The following RBL2 variants were observed in gnomAD, a reference collection of about 807,000 sequenced individuals.
RBL2 encodes the protein retinoblastoma-like protein 2.
Under a neutral mutation model 126.0 loss-of-function variants are expected in RBL2, and 56 were observed. The ratio of observed to expected loss-of-function variants is 0.44; its 90% CI spans 0.36 to 0.56. RBL2 has a LOEUF of 0.56. Ranked by LOEUF, RBL2 falls within the 20% of genes least tolerant of loss-of-function variation. The pLI, the probability that RBL2 is intolerant of heterozygous loss-of-function variation, is 0.00. For synonymous variants in RBL2, 454 were observed against 478.5 expected, an observed-to-expected ratio of 0.95 and a Z score of 0.67; for missense variants, 1,229 against 1,398.2, an observed-to-expected ratio of 0.88 and a Z score of 1.93.
At chr16:53,448,010 T>C (rs1441799221) in intron 4 of RBL2, among the ~76,000 whole-genome samples, 1 of 152,208 alleles carries the variant, frequency 6.6e-6, no homozygotes, top group Non-Finnish European at 1.5e-5. Flanking sequence ...TATATTATTA[T>C]ATAGCTTTCT....
At chr16:53,437,675 T>C (rs1445392992) in intron 1 of RBL2, among the ~76,000 whole-genome samples, 1 of 152,220 alleles carries the variant, frequency 6.6e-6, no homozygotes, top group Non-Finnish European at 1.5e-5. Flanking sequence ...TGGCTGAATA[T>C]CCATTCAAGC....
Position 53,465,471 on chromosome 16 carries a change from C to T in RBL2, c.1732C>T (p.Leu578Phe). 1 of 1,565,552 alleles carries T rather than the reference C, an allele frequency of 6.4e-7. No individual in the cohort carries two copies. Among genetic ancestry groups the T allele is most frequent in the South Asian group, 1.2e-5 (1 of 81,560 alleles). The change falls in exon 13 of 22, where the codon CTT becomes TTT. Residue 578 changes from leucine (L) to phenylalanine (F), a missense_variant. Leu to Phe is a conservative substitution (Grantham distance 22). Coordinates refer to ENST00000262133, the MANE Select transcript of RBL2 (RefSeq NM_005611.4). ...IEVFIRAEDGLCREVVKHLNQ... is the reference protein window; with the variant it reads ...IEVFIRAEDGFCREVVKHLNQ... ...AGTATTCATTAGAGCAGAAGATGGCCTTTGTAGAGAGGTGGTAAAACACCT... is the reference window on the plus strand; with the variant it reads ...AGTATTCATTAGAGCAGAAGATGGCTTTTGTAGAGAGGTGGTAAAACACCT...
Position 53,470,675 on chromosome 16 carries a change from C to T in RBL2, c.2526+12C>T. 1 of 1,613,348 alleles carries T rather than the reference C, an allele frequency of 6.2e-7. No individual in the cohort carries two copies. The highest frequency in any genetic ancestry group is 1.1e-5 in the South Asian group (1 of 91,060). Reference sequence around the variant, plus strand: ...TTTTCTTTAGAAAGGTAATTTTTCACATACCTTATCAGAGCATGAGCTTGG... The same window carrying T: ...TTTTCTTTAGAAAGGTAATTTTTCATATACCTTATCAGAGCATGAGCTTGG... On this transcript the variant is annotated intron_variant, in intron 16 of 21. Coordinates refer to ENST00000262133, the MANE Select transcript of RBL2 (RefSeq NM_005611.4).
At chr16:53,452,534 G>T (rs747038837) in intron 5 of RBL2, among the ~76,000 whole-genome samples, 1 of 152,118 alleles carries the variant, frequency 6.6e-6, no homozygotes, top group Non-Finnish European at 1.5e-5. Flanking sequence ...GTGGAGTTCA[G>T]TTGCTCCTGG....
chr16:53,488,918 G>A (rs1961281528), intron 21 of RBL2: 1 of 152,154 alleles, frequency 6.6e-6, no homozygotes, highest in Non-Finnish European at 1.5e-5. Context: ...GCTTTCTTCA[G>A]ATGCTTAAGA....
intron 17 of RBL2, among the ~76,000 whole-genome samples, chr16:53,477,817 T>G (rs1960790987): frequency 6.6e-6 from 1 of 152,082 alleles, no homozygotes; most frequent in African/African-American, 2.4e-5. Context: ...TACAATTGAT[T>G]TTTTAATCAG....
intron 8 of RBL2, among the ~76,000 whole-genome samples, chr16:53,457,305 G>A (rs2150799872): frequency 8.5e-6 from 1 of 117,440 alleles, no homozygotes; most frequent in African/African-American, 3.7e-5. Flanking sequence ...TGTCACCCAG[G>A]CTGGAGTGCA....
intron 17 of RBL2, among the ~76,000 whole-genome samples, chr16:53,473,427 G>A (rs374094070): frequency 2.5e-4 from 37 of 149,352 alleles, no homozygotes; most frequent in African/African-American, 8.9e-4. Flanking sequence ...TCCTATTCTT[G>A]TTGATGCTAT....
intron 21 of RBL2, among the ~76,000 whole-genome samples, chr16:53,487,086 T>C (rs8044091): frequency 0.54 from 82,865 of 152,048 alleles, 25,046 homozygotes; most frequent in African/African-American, 0.81. Flanking sequence ...TGAATGAAAA[T>C]AATACCTTAG....
In RBL2 at chr16:53,434,656, G is replaced by T. The variant is rs375627186; in HGVS notation, c.100G>T (p.Ala34Ser). The change falls in exon 1 of 22, where the codon GCC becomes TCC. Residue 34 changes from alanine (A) to serine (S), a missense_variant. By Grantham distance (99) the Ala-to-Ser change is moderately conservative. This residue lies in a region of RBL2 where 159 missense variants were observed against 123.9 expected (regional missense o/e 1.28). Coordinates refer to ENST00000262133, the MANE Select transcript of RBL2 (RefSeq NM_005611.4). ...GGAGGACGACGGCGAGGCGGAAGAC[G>T]CCGCGCCGCCTGCCGAGTCGCCCAC... ...EEEDDGEAED[A>S]APPAESPTPQ... 78 of 1,561,352 alleles carry T rather than the reference G, an allele frequency of 5.0e-5. No homozygotes were observed. In the African/African-American group the frequency reaches 8.9e-4, roughly 18 times the overall value.
intron 18 of RBL2, 55 bp from the exon 19 acceptor site, chr16:53,479,831 A>C (rs1008283971): frequency 5.7e-6 from 7 of 1,227,706 alleles, no homozygotes; most frequent in Non-Finnish European, 5.8e-6. Context: ...TCCTATCACC[A>C]AGGGTGTGCT....
intron 19 of RBL2, 21 bp downstream of exon 19, chr16:53,480,012 C>G: frequency 1.3e-6 from 2 of 1,500,322 alleles, no homozygotes; most frequent in Non-Finnish European, 1.8e-6. Context: ...TCTTTGTGAA[C>G]TACAAGACAA....
At chr16:53,453,098 T>G (rs1294919458) in intron 5 of RBL2, among the ~76,000 whole-genome samples, 1 of 152,176 alleles carries the variant, frequency 6.6e-6, no homozygotes, top group Non-Finnish European at 1.5e-5. Flanking sequence ...AGTGTAATTT[T>G]TTTAAAGTGG....
intron 7 of RBL2, chr16:53,454,146 G>A (rs1193463019): frequency 2.3e-6 from 1 of 427,644 alleles, no homozygotes; most frequent in African/African-American, 2.0e-5. Flanking sequence ...CAAAATACTT[G>A]TACTGTGTGA....
chr16:53,464,200 C>G, intron 11 of RBL2, 26 bp from the exon 12 acceptor site: 1 of 1,495,468 alleles, frequency 6.7e-7, no homozygotes, highest in Non-Finnish European at 9.0e-7. Flanking sequence ...GTAAATGTTT[C>G]TAATGCTAAT....
In RBL2 at chr16:53,453,373, C is replaced by A. The variant is rs554371238; in HGVS notation, c.767-79C>A. 6.1e-6 allele frequency: 8 copies of A among 1,318,340 alleles called. No individual in the cohort carries two copies. The Admixed American group carries it at 1.5e-4, about 24-fold the overall frequency. 81.7% of individuals were successfully genotyped at this position (1,318,340 alleles called of 1,614,324 possible). The stretch of plus-strand genomic sequence containing the variant: ...TGCTAAGTGGTATACTGATTATACT[C>A]TATGTTTTACATTTTAGTTTATTAC... On this transcript the variant is annotated intron_variant, in intron 5 of 21. Coordinates refer to ENST00000262133, the MANE Select transcript of RBL2 (RefSeq NM_005611.4).
Position 53,480,627 on chromosome 16 carries a change from G to A in RBL2, c.2942G>A (p.Ser981Asn), listed in dbSNP as rs1960905073. Residue 981 changes from serine to asparagine, a missense_variant, in exon 20 of 22, where the codon AGC (serine) becomes AAC (asparagine). Coordinates refer to ENST00000262133, the MANE Select transcript of RBL2 (RefSeq NM_005611.4). ...AGCACCTTGCCAGTTCCACAGCCCA[G>A]CAGTGCTCCTCCCACACCTACTCGC... Reference protein sequence around the residue: ...SSSTLPVPQPSSAPPTPTRLT... With the variant: ...SSSTLPVPQPNSAPPTPTRLT... 1.2e-6 allele frequency: 2 copies of A among 1,614,052 alleles called. No individual in the cohort carries two copies. Among genetic ancestry groups the A allele is most frequent in the Non-Finnish European group, 1.7e-6 (2 of 1,180,004 alleles).
At chr16:53,442,446 T>C (rs530479513) in intron 2 of RBL2, among the ~76,000 whole-genome samples, 2 of 152,354 alleles carry the variant, frequency 1.3e-5, no homozygotes, top group South Asian at 4.1e-4. Context: ...ACAAATACTT[T>C]AGGTAACCTA....
Position 53,434,476 on chromosome 16 carries a change from A to G in RBL2, c.-81A>G, listed in dbSNP as rs2057932950. 1.6e-6 allele frequency: 2 copies of G among 1,288,584 alleles called. No homozygotes were observed. Among genetic ancestry groups the G allele is most frequent in the Non-Finnish European group, 2.0e-6 (2 of 1,012,304 alleles). 79.8% of individuals were successfully genotyped at this position (1,288,584 alleles called of 1,614,324 possible). ...GGCGCAGGCGCGGTGCGGGCGGCGGACGGGCGGGCGCTTCGCCGTTTGAAT... is the reference window on the plus strand; with the variant it reads ...GGCGCAGGCGCGGTGCGGGCGGCGGGCGGGCGGGCGCTTCGCCGTTTGAAT... On this transcript the variant is annotated 5_prime_UTR_variant, in exon 1 of 22. Transcript: ENST00000262133.
Sources: gnomAD v4.1 joint callset for allele counts (sites outside exome capture counted in the v4.1 genomes callset) on GRCh38, gnomAD v4.1.1 for gene constraint, gnomAD v4.1.1 regional missense constraint, MANE v1.5 for transcripts, NCBI Gene and HGNC (gene_info 2026-07-23, HGNC 2026-07-21) for gene names.